ANK2: variants seen among roughly 807,000 people sequenced by gnomAD.
The protein encoded by ANK2 is ankyrin-2.
A neutral mutation model predicts 360.5 loss-of-function variants in ANK2; 83 were observed. The ratio of observed to expected loss-of-function variants is 0.23; its 90% confidence interval spans 0.19 to 0.28. The LOEUF (loss-of-function observed/expected upper bound fraction) is 0.28, where lower values mean the gene tolerates loss of function less well. Ranked by LOEUF, ANK2 falls within the 10% of genes least tolerant of loss-of-function variation. The pLI, the probability that ANK2 is intolerant of heterozygous loss-of-function variation, is 1.00. For synonymous variants in ANK2, 1,740 were observed against 1,759.5 expected (o/e 0.99, Z 0.28); for missense variants, 4,201 against 4,795.7 (o/e 0.88, Z 3.66).
chr4:113,367,804 G>A lies in ANK2; in HGVS notation c.11271G>A (p.Met3757Ile), dbSNP rs1241280456. The part of the protein sequence containing the change: ...EQVQQDFSGK[M>I]QDLPEESSLE... The stretch of plus-strand genomic sequence containing the variant: ...TTCAACAGGATTTCTCAGGGAAAAT[G>A]CAAGACCTGCCTGAAGAGTCATCTC... The change falls in exon 42 of 46, where the codon ATG becomes ATA. Residue 3757 changes from methionine (M) to isoleucine (I), a missense_variant. Physicochemically the swap from Met to Ile is conservative, Grantham distance 10 (BLOSUM62 1). Around this residue, in one of 4 missense-constraint regions of ANK2, gnomAD observed 2,642 missense variants for 2,714.5 expected, o/e 0.97. Coordinates refer to ENST00000357077, the MANE Select transcript of ANK2 (RefSeq NM_001148.6). 6.2e-7 allele frequency: 1 copy of A among 1,613,982 alleles called. No homozygotes were observed. The highest frequency in any genetic ancestry group is 8.5e-7 in the Non-Finnish European group (1 of 1,179,992).
intron 2 of ANK2, among the ~76,000 whole-genome samples, chr4:112,933,674 A>G (rs1353670288): frequency 6.6e-6 from 1 of 151,894 alleles, no homozygotes; most frequent in Non-Finnish European, 1.5e-5. Context: ...GTAATTTTGT[A>G]TTTTTAATAG....
chr4:113,145,457 C>T (rs992108412), intron 1 of ANK2, among the ~76,000 whole-genome samples: 13 of 152,144 alleles, frequency 8.5e-5, no homozygotes, highest in Non-Finnish European at 1.5e-5. Context: ...CAAAAATTCT[C>T]ATATGTAGAG....
At chr4:113,226,821 G>A (rs554220057) in intron 4 of ANK2, among the ~76,000 whole-genome samples, 44 of 152,252 alleles carry the variant, frequency 2.9e-4, no homozygotes, top group African/African-American at 3.4e-4. Context: ...GCACCTGTTG[G>A]TCACACCAGA....
the ANK2 span, among the ~76,000 whole-genome samples, chr4:112,761,980 T>C: frequency 2.0e-5 from 3 of 152,196 alleles, no homozygotes; most frequent in East Asian, 5.8e-4. Flanking sequence ...GAGGAAGGAA[T>C]AATTAACTTT....
chr4:113,015,738 A>G (rs747021189), intron 2 of ANK2, among the ~76,000 whole-genome samples: 5 of 152,222 alleles, frequency 3.3e-5, no homozygotes, highest in Non-Finnish European at 5.9e-5. Flanking sequence ...TGAATTCTCA[A>G]TTGTGGTATA....
intron 2 of ANK2, among the ~76,000 whole-genome samples, chr4:113,175,531 A>T (rs1482707341): frequency 1.3e-4 from 20 of 152,194 alleles, no homozygotes; most frequent in Admixed American, 1.3e-3. Context: ...CATCCAGATT[A>T]CATGAGCTCG....
the ANK2 span, among the ~76,000 whole-genome samples, chr4:112,775,277 T>G: frequency 6.6e-6 from 1 of 152,058 alleles, no homozygotes; most frequent in African/African-American, 2.4e-5. Flanking sequence ...CCAGCACTTT[T>G]GGAGGCCGAG....
At chr4:112,932,662 T>C (rs2093370623) in intron 2 of ANK2, among the ~76,000 whole-genome samples, 1 of 151,706 alleles carries the variant, frequency 6.6e-6, no homozygotes, top group Admixed American at 6.6e-5. Flanking sequence ...GTAAGGCCAA[T>C]GAGAAAGAGA....
chr4:112,968,477 T>A (rs1205197630), intron 2 of ANK2, among the ~76,000 whole-genome samples: 3 of 152,244 alleles, frequency 2.0e-5, no homozygotes, highest in Non-Finnish European at 4.4e-5. Context: ...CCAGATTTTT[T>A]CTTCCAGTTG....
chr4:112,941,703 A>T (rs1269556786), intron 2 of ANK2, among the ~76,000 whole-genome samples: 3 of 147,348 alleles, frequency 2.0e-5, no homozygotes, highest in Non-Finnish European at 4.5e-5. Flanking sequence ...ATAAAAGGAT[A>T]TATAAAGATA....
chr4:113,096,892 C>T (rs558045772), intron 1 of ANK2, among the ~76,000 whole-genome samples: 55 of 151,856 alleles, frequency 3.6e-4, no homozygotes, highest in African/African-American at 1.0e-3. Context: ...TTGTCTAAGT[C>T]TGGGCTTAAA....
intron 1 of ANK2, among the ~76,000 whole-genome samples, chr4:113,067,644 G>A (rs1343683881): frequency 2.0e-5 from 3 of 152,264 alleles, no homozygotes; most frequent in East Asian, 1.9e-4. Flanking sequence ...CAGTTACAGC[G>A]AAAGCTAAGA....
intron 18 of ANK2, among the ~76,000 whole-genome samples, chr4:113,285,038 C>CA (rs1453084857): frequency 3.3e-5 from 5 of 151,830 alleles, no homozygotes. Context: ...AAAATAAAAC[C>CA]AAAAAAGATC....
intron 1 of ANK2, among the ~76,000 whole-genome samples, chr4:113,106,608 T>C (rs933609157): frequency 4.6e-5 from 7 of 152,226 alleles, no homozygotes; most frequent in African/African-American, 1.4e-4. Context: ...GCCCAAGTTA[T>C]AGAAGTTCCT....
At chr4:112,892,794 T>C (rs1416911691) in intron 1 of ANK2, among the ~76,000 whole-genome samples, 1 of 152,186 alleles carries the variant, frequency 6.6e-6, no homozygotes, top group Non-Finnish European at 1.5e-5. Flanking sequence ...GTTCTTGTTA[T>C]TAGTTTATCC....
chr4:113,217,750 G>A, intron 4 of ANK2, among the ~76,000 whole-genome samples: 1 of 152,114 alleles, frequency 6.6e-6, no homozygotes, highest in East Asian at 1.9e-4. Context: ...GTGCGGCCCA[G>A]TTTCAGTACC....
chr4:113,021,554 A>C (rs2058173987), intron 2 of ANK2, among the ~76,000 whole-genome samples: 1 of 97,506 alleles, frequency 1.0e-5, no homozygotes, highest in African/African-American at 3.7e-5. Flanking sequence ...ATATATATAT[A>C]TATATATATA....
the ANK2 span, among the ~76,000 whole-genome samples, chr4:112,749,146 C>T: frequency 1.4e-4 from 22 of 152,092 alleles, no homozygotes; most frequent in African/African-American, 4.3e-4. Context: ...GTGATCCACC[C>T]GCCTCGGCCT....
In ANK2 at chr4:113,357,624, CT is replaced by C; in HGVS notation, c.9008del (p.Leu3003CysfsTer28). The C allele has an allele frequency of 6.2e-7, 1 of 1,614,108 alleles. No homozygotes were observed. The highest frequency in any genetic ancestry group is 1.6e-4 in the Middle Eastern group (1 of 6,062). On this transcript the variant is annotated frameshift_variant, in exon 38 of 46. Coordinates refer to ENST00000357077, the MANE Select transcript of ANK2 (RefSeq NM_001148.6). LOFTEE classifies it high-confidence loss of function. ...IKMESQQESTLWEMQSDSVSS... is the reference protein window; with the variant it reads ...IKMESQQESTXWEMQSDSVSS... ...AAATGGAATCCCAACAGGAAAGTAC[CT>C]TGTGGGAAATGCAATCAGACAGTGT...
Sources: allele counts gnomAD v4.1 joint callset (sites outside exome capture counted in the v4.1 genomes callset), GRCh38; gene constraint gnomAD v4.1.1; regional missense constraint gnomAD v4.1.1; transcripts MANE v1.5; gene names NCBI Gene and HGNC (gene_info 2026-07-23, HGNC 2026-07-21).